Variants in CABP4 observed in about 807,000 individuals in gnomAD.
The protein encoded by CABP4 is calcium binding protein 4, also known as calcium-binding protein 4.
A neutral mutation model predicts 30.7 loss-of-function variants in CABP4; 30 were observed. The ratio of observed to expected loss-of-function variants is 0.98; its 90% confidence interval spans 0.73 to 1.33. CABP4 has a LOEUF of 1.33. CABP4 is among the 40% of genes most tolerant of loss of function. CABP4 has a pLI of 0.00. For synonymous variants in CABP4, 161 were observed against 159.2 expected (o/e 1.01, Z -0.08); for missense variants, 424 against 395.5 (o/e 1.07, Z -0.61).
rs1451789307 is a variant in CABP4 at position 67,456,194 on chromosome 11, G to T, written c.373G>T (p.Glu125Ter). ...LLNRVFGKDR[E>*]LGPEELDELQ... ...CTGGACTCTCCCCCTGCAGGACCGCGAACTGGGCCCCGAGGAGCTAGACGG... is the reference window on the plus strand; with the variant it reads ...CTGGACTCTCCCCCTGCAGGACCGCTAACTGGGCCCCGAGGAGCTAGACGG... Residue 125 changes from glutamate to a stop codon, truncating the protein, a stop_gained, in exon 2 of 6, where the codon GAA becomes TAA. Coordinates refer to ENST00000325656, the MANE Select transcript of CABP4 (RefSeq NM_145200.5). LOFTEE classifies it high-confidence loss of function. 6.2e-7 allele frequency: 1 copy of T among 1,613,262 alleles called. No homozygotes were observed. Among genetic ancestry groups the T allele is most frequent in the South Asian group, 1.1e-5 (1 of 91,074 alleles).
At chr11:67,456,164 AC>A (rs764307790) in intron 1 of CABP4, 23 bp from the exon 2 acceptor site, 63 of 1,612,544 alleles carry the variant, frequency 3.9e-5, no homozygotes, top group Admixed American at 5.0e-5. Flanking sequence ...GGCCCTGGGG[AC>A]ATCCTGGACT....
At position 67,457,063 on chromosome 11, in the gene CABP4, G is replaced by T. The variant is rs1229305611; in HGVS notation, c.542-510G>T. Among the ~76,000 whole-genome samples the T allele has an allele frequency of 3.9e-5, 6 of 152,164 alleles. No individual in the cohort carries two copies. The East Asian group carries it at 1.2e-3, about 29-fold the overall frequency. ...TGATTTACAATTGAGCTGGACATTT[G>T]GTGTCATGCTTTTCTGTCCCCAAAG... On this transcript the variant is annotated intron_variant, in intron 3 of 5. Transcript: ENST00000325656.
upstream of CABP4, chr11:67,452,677 GGGCCTGT>G: frequency 5.6e-6 from 9 of 1,600,884 alleles, no homozygotes; most frequent in Non-Finnish European, 6.8e-6. Context: ...GCTCTGTGCG[GGGCCTGT>G]GGCCAGTGGC....
Position 67,455,623 on chromosome 11 carries a change from C to A in CABP4, c.200C>A (p.Pro67Gln). ...GGGGAGCAGACAGGCCCCGAGGCCC[C>A]GGGGAGCAGCAATAACCCTCCCAGC... ...SSGEQTGPEA[P>Q]GSSNNPPSTG... is the part of the protein sequence containing the mutation. Residue 67 changes from proline (P) to glutamine (Q), a missense_variant, in exon 1 of 6, where the codon CCG becomes CAG. Transcript: ENST00000325656. 1.2e-6 allele frequency: 2 copies of A among 1,608,224 alleles called. No homozygotes were observed. The highest frequency in any genetic ancestry group is 4.5e-5 in the East Asian group (2 of 44,700).
rs2135171547 is a variant in CABP4, at chr11:67,455,456, C to A, written c.33C>A (p.Gly11=). MTTEQARGQQ[G]PNLAIGRQKP... The stretch of plus-strand genomic sequence containing the variant: ...CAGAGCAGGCAAGGGGGCAGCAGGG[C>A]CCAAATCTGGCCATTGGCCGTCAGA... The change falls in exon 1 of 6, where the codon GGC becomes GGA. Residue 11 remains glycine, a synonymous_variant. Transcript: ENST00000325656. 6.2e-7 allele frequency: 1 copy of A among 1,611,508 alleles called. No individual in the cohort carries two copies. The highest frequency in any genetic ancestry group is 2.2e-5 in the East Asian group (1 of 44,890).
chr11:67,455,385 C>G lies in CABP4; in HGVS notation c.-39C>G. The G allele has an allele frequency of 6.3e-7, 1 of 1,578,110 alleles. No homozygotes were observed. Among genetic ancestry groups the G allele is most frequent in the Non-Finnish European group, 8.6e-7 (1 of 1,163,834 alleles). On this transcript the variant is annotated 5_prime_UTR_variant, in exon 1 of 6. Coordinates refer to ENST00000325656, the MANE Select transcript of CABP4 (RefSeq NM_145200.5). ...ATGGGTCCTGAAAGCCAAGGGTGCCCAGGGGTGTGGTGTCTCTGAGCCCTG... is the reference window on the plus strand; with the variant it reads ...ATGGGTCCTGAAAGCCAAGGGTGCCGAGGGGTGTGGTGTCTCTGAGCCCTG...
intron 4 of CABP4, 105 bp downstream of exon 4, chr11:67,457,787 G>T (rs781177780): frequency 1.4e-4 from 123 of 896,532 alleles, no homozygotes; most frequent in Non-Finnish European, 2.0e-4. Flanking sequence ...CCCTGCAGGC[G>T]GTGGGACTGG....
Position 67,457,677 on chromosome 11 carries a change from C to G in CABP4, c.646C>G (p.Arg216Gly). The change falls in exon 4 of 6, where the codon CGA becomes GGA. Residue 216 changes from arginine (R) to glycine (G), a missense_variant. Coordinates refer to ENST00000325656, the MANE Select transcript of CABP4 (RefSeq NM_145200.5). ...GGTGCGAGAGCTGCGCATCGCCTTCCGAGAGGTGCGGAGTGTGGTGAGGTG... is the reference window on the plus strand; with the variant it reads ...GGTGCGAGAGCTGCGCATCGCCTTCGGAGAGGTGCGGAGTGTGGTGAGGTG... ...LGVRELRIAF[R>G]EFDRDRDGRI... The G allele has an allele frequency of 6.3e-7, 1 of 1,580,882 alleles. No homozygotes were observed. The highest frequency in any genetic ancestry group is 2.3e-5 in the East Asian group (1 of 43,376).
rs1865022261 is a variant in CABP4 at position 67,461,736 on chromosome 11, A to G, written c.*3077A>G. On this transcript the variant is annotated 3_prime_UTR_variant, in exon 6 of 6. Coordinates refer to ENST00000325656, the MANE Select transcript of CABP4 (RefSeq NM_145200.5). ...GTGGCTATATCAGAAATTTTAATAA[A>G]TAACAGTAAAACTTCATTTATTGAC... is the stretch of plus-strand genomic sequence containing the variant. 6.6e-6 allele frequency: 1 copy of G among 152,258 alleles called. No homozygotes were observed. The highest frequency in any genetic ancestry group is 2.4e-5 in the African/African-American group (1 of 41,474). The allele number at this position is 152,258 out of a possible 1,614,324, so 9.4% of individuals were successfully genotyped here. A position where few individuals can be genotyped will look rare whatever the true frequency, so the allele number is the denominator to read the frequency against.
rs2135186354 is a variant in CABP4 at position 67,458,712 on chromosome 11, C to G, written c.*53C>G. On this transcript the variant is annotated 3_prime_UTR_variant, in exon 6 of 6. Coordinates refer to ENST00000325656, the MANE Select transcript of CABP4 (RefSeq NM_145200.5). ...CTGCGGCCCCAGACACCAGCCAGACCCAGGCTGCAGGCCTCCCCCAGGAGC... is the reference window on the plus strand; with the variant it reads ...CTGCGGCCCCAGACACCAGCCAGACGCAGGCTGCAGGCCTCCCCCAGGAGC... 2 of 1,608,892 alleles carry G rather than the reference C, an allele frequency of 1.2e-6. No homozygotes were observed. Among genetic ancestry groups the G allele is most frequent in the East Asian group, 2.2e-5 (1 of 44,856 alleles).
rs750921479 is a variant in CABP4 at position 67,458,420 on chromosome 11, C to T, written c.701C>T (p.Ala234Val). Reference protein sequence around the residue: ...GRITVAELREAVPALLGEPLA... With the variant: ...GRITVAELREVVPALLGEPLA... ...ATTACGGTGGCGGAGCTGCGGGAGGCGGTACCGGCTCTGCTCGGGGAGCCG... is the reference window on the plus strand; with the variant it reads ...ATTACGGTGGCGGAGCTGCGGGAGGTGGTACCGGCTCTGCTCGGGGAGCCG... The change falls in exon 5 of 6, where the codon GCG becomes GTG. Residue 234 changes from alanine (A) to valine (V), a missense_variant. Transcript: ENST00000325656. 1.4e-5 allele frequency: 23 copies of T among 1,613,516 alleles called. No homozygotes were observed. The highest frequency in any genetic ancestry group is 1.9e-5 in the Non-Finnish European group (22 of 1,179,784).
chr11:67,456,863 C>T (rs2135180366), intron 3 of CABP4, among the ~76,000 whole-genome samples: 1 of 152,354 alleles, frequency 6.6e-6, no homozygotes, highest in Non-Finnish European at 1.5e-5. Context: ...CTGGTGGCAG[C>T]TGCCTGAATT....
intron 1 of CABP4, 181 bp from the exon 2 acceptor site, chr11:67,456,007 G>A (rs976157038): frequency 3.6e-5 from 45 of 1,251,722 alleles, no homozygotes; most frequent in African/African-American, 4.5e-5. Context: ...CTCTGTGGGA[G>A]CTCCAGGCTC....
intron 4 of CABP4, 113 bp downstream of exon 4, chr11:67,457,795 T>A: frequency 2.4e-6 from 2 of 839,654 alleles, no homozygotes; most frequent in Non-Finnish European, 3.8e-6. Context: ...GCGGTGGGAC[T>A]GGGGCCCAGG....
chr11:67,452,561 C>T (rs1183537840), upstream of CABP4: 2 of 1,607,714 alleles, frequency 1.2e-6, no homozygotes, highest in South Asian at 2.2e-5. Flanking sequence ...GGCCTGGGAG[C>T]CGGCCAGCCA....
chr11:67,455,383 C>T lies in CABP4; in HGVS notation c.-41C>T. The T allele has an allele frequency of 6.3e-7, 1 of 1,576,196 alleles. No homozygotes were observed. Among genetic ancestry groups the T allele is most frequent in the South Asian group, 1.2e-5 (1 of 85,876 alleles). ...TTATGGGTCCTGAAAGCCAAGGGTG[C>T]CCAGGGGTGTGGTGTCTCTGAGCCC... On this transcript the variant is annotated 5_prime_UTR_variant, in exon 1 of 6. Transcript: ENST00000325656.
chr11:67,454,122 G>T (rs1463327992), upstream of CABP4, among the ~76,000 whole-genome samples: 1 of 152,188 alleles, frequency 6.6e-6, no homozygotes, highest in Non-Finnish European at 1.5e-5. Flanking sequence ...CTAAAGAGAG[G>T]GGGAGGGGCT....
intron 4 of CABP4, among the ~76,000 whole-genome samples, chr11:67,457,987 G>A (rs1183290519): frequency 2.6e-5 from 4 of 152,182 alleles, no homozygotes; most frequent in African/African-American, 7.2e-5. Flanking sequence ...GGCCAGGCGC[G>A]GTGGCTCACG....
upstream of CABP4, chr11:67,452,573 G>A (rs141236237): frequency 2.3e-4 from 367 of 1,610,314 alleles, 1 homozygote; most frequent in African/African-American, 3.7e-3. Context: ...GGCCAGCCAC[G>A]CCATCAACCC....
Sources: allele counts gnomAD v4.1 joint callset (sites outside exome capture counted in the v4.1 genomes callset), GRCh38; gene constraint gnomAD v4.1.1; transcripts MANE v1.5; gene names NCBI Gene and HGNC (gene_info 2026-07-23, HGNC 2026-07-21).